The following TLE4 variants were observed in gnomAD, a reference collection of about 807,000 sequenced individuals.
TLE4 encodes the protein transducin-like enhancer protein 4.
In TLE4, 8 loss-of-function variants were observed where a neutral mutation model predicts 92.8. That is an observed-to-expected ratio of 0.09 (90% CI 0.05 to 0.16). The LOEUF is 0.16. Among genes scored for constraint, TLE4 ranks in the 10% least tolerant of loss-of-function variants. The pLI is 1.00. For missense variants in TLE4, 675 were observed against 997.6 expected (o/e 0.68, Z 4.36); for synonymous variants, 371 against 374.1 (o/e 0.99, Z 0.10).
intron 4 of TLE4, among the ~76,000 whole-genome samples, chr9:79,606,821 G>A (rs2047116281): frequency 6.6e-6 from 1 of 152,082 alleles, no homozygotes; most frequent in South Asian, 2.1e-4. Flanking sequence ...ACTGTGAATA[G>A]TGCTGCAGTA....
At chr9:79,656,747 A>G (rs2059836083) in intron 8 of TLE4, among the ~76,000 whole-genome samples, 1 of 152,212 alleles carries the variant, frequency 6.6e-6, no homozygotes. Context: ...TGTTTTCTTG[A>G]CGTTACAGAT....
At chr9:79,573,536 C>A (rs1311474092) in intron 1 of TLE4, 153 bp from the exon 2 acceptor site, 1 of 818,364 alleles carries the variant, frequency 1.2e-6, no homozygotes, top group Admixed American at 3.5e-5. Context: ...GGCTGTTGGG[C>A]GCGAGGAGGG....
intron 4 of TLE4, among the ~76,000 whole-genome samples, chr9:79,596,936 G>C (rs2044182789): frequency 6.6e-6 from 1 of 152,034 alleles, no homozygotes; most frequent in Non-Finnish European, 1.5e-5. Context: ...CGTAATATTT[G>C]GTGTTCTTTT....
intron 4 of TLE4, among the ~76,000 whole-genome samples, chr9:79,601,053 T>A (rs965201753): frequency 6.6e-5 from 10 of 152,234 alleles, no homozygotes; most frequent in Non-Finnish European, 1.5e-5. Flanking sequence ...ATCAGCAATC[T>A]GGTATAAATA....
At chr9:79,637,744 A>T (rs2056256403) in intron 6 of TLE4, among the ~76,000 whole-genome samples, 1 of 152,172 alleles carries the variant, frequency 6.6e-6, no homozygotes, top group Non-Finnish European at 1.5e-5. Context: ...CTGTTAAGGC[A>T]GGTGTTTTAA....
At chr9:79,628,935 T>C (rs947580906) in intron 6 of TLE4, among the ~76,000 whole-genome samples, 2 of 151,780 alleles carry the variant, frequency 1.3e-5, no homozygotes, top group African/African-American at 4.8e-5. Flanking sequence ...CTGTGCTCCA[T>C]TGACGTGTGT....
chr9:79,713,440 G>A (rs984983591), intron 14 of TLE4, among the ~76,000 whole-genome samples: 20 of 152,168 alleles, frequency 1.3e-4, no homozygotes, highest in Admixed American at 5.2e-4. Context: ...CACTCTGCTC[G>A]TAGCAGCTTA....
At chr9:79,652,455 G>C in intron 6 of TLE4, 138 bp from the exon 7 acceptor site, 1 of 860,818 alleles carries the variant, frequency 1.2e-6, no homozygotes, top group South Asian at 1.5e-5. Flanking sequence ...CCAAAGTGCT[G>C]GGATTACAGG....
intron 4 of TLE4, among the ~76,000 whole-genome samples, chr9:79,588,529 G>A (rs2041788862): frequency 6.6e-6 from 1 of 152,092 alleles, no homozygotes; most frequent in African/African-American, 2.4e-5. Context: ...AAAAATAATA[G>A]CTGGTATCAT....
chr9:79,681,570 G>A (rs944633303), intron 8 of TLE4, among the ~76,000 whole-genome samples: 3 of 152,124 alleles, frequency 2.0e-5, no homozygotes, highest in Non-Finnish European at 4.4e-5. Flanking sequence ...AGGAATTGAA[G>A]ATCGAATGTC....
chr9:79,612,775 GA>G, intron 5 of TLE4, 57 bp downstream of exon 5: 1 of 1,449,988 alleles, frequency 6.9e-7, no homozygotes, highest in Non-Finnish European at 9.7e-7. Context: ...TGGTTTTGCA[GA>G]AAAGGGATTG....
At position 79,605,196 on chromosome 9, in the gene TLE4, G is replaced by T. The variant is rs375122854; in HGVS notation, c.253-7460G>T. On this transcript the variant is annotated intron_variant, in intron 4 of 19. Coordinates refer to ENST00000376552, the MANE Select transcript of TLE4 (RefSeq NM_007005.6). ...CCACCTTGTTCTGTGCAGGCTGAAAGTAAGCTCTCTAGAGAAAGTAATTTT... is the reference window on the plus strand; with the variant it reads ...CCACCTTGTTCTGTGCAGGCTGAAATTAAGCTCTCTAGAGAAAGTAATTTT... Among the ~76,000 whole-genome samples, 55 of 152,226 alleles carry T rather than the reference G, an allele frequency of 3.6e-4. 2 individuals carry two copies. In the South Asian group the frequency reaches 9.9e-3, roughly 28 times the overall value.
intron 16 of TLE4, among the ~76,000 whole-genome samples, chr9:79,721,181 G>C (rs886476350): frequency 6.6e-6 from 1 of 152,204 alleles, no homozygotes; most frequent in African/African-American, 2.4e-5. Context: ...TTCTCCTGGT[G>C]ACCTTGGTAC....
At chr9:79,659,042 C>T (rs1246141423) in intron 8 of TLE4, among the ~76,000 whole-genome samples, 3 of 152,176 alleles carry the variant, frequency 2.0e-5, no homozygotes, top group Admixed American at 2.0e-4. Context: ...CTCTGAGCAG[C>T]CCCCACTGCA....
chr9:79,638,337 C>G (rs890822915), intron 6 of TLE4, among the ~76,000 whole-genome samples: 2 of 152,154 alleles, frequency 1.3e-5, no homozygotes, highest in African/African-American at 4.8e-5. Context: ...ATTTCTCTAT[C>G]TTGAGAAAAC....
intron 8 of TLE4, among the ~76,000 whole-genome samples, chr9:79,680,610 CCCTTTATTT>C (rs1313354840): frequency 6.6e-6 from 1 of 152,152 alleles, no homozygotes; most frequent in Admixed American, 6.5e-5. Context: ...TAATTGAAAA[CCCTTTATTT>C]CCTTCTCCTG....
In TLE4 at chr9:79,726,779, A is replaced by G. The variant is rs552820646; in HGVS notation, c.*1635A>G. 6.5e-6 allele frequency: 1 copy of G among 152,748 alleles called. No individual in the cohort carries two copies. Among genetic ancestry groups the G allele is most frequent in the East Asian group, 1.9e-4 (1 of 5,190 alleles). The allele number at this position is 152,748 out of a possible 1,614,324, so 9.5% of individuals were successfully genotyped here. A position where few individuals can be genotyped will look rare whatever the true frequency, so the allele number is the denominator to read the frequency against. On this transcript the variant is annotated 3_prime_UTR_variant, in exon 20 of 20. Coordinates refer to ENST00000376552, the MANE Select transcript of TLE4 (RefSeq NM_007005.6). ...TCTAATTCTTTGTCTTGATGACATT[A>G]GTTTATTTTTTATCTTTGGCTGTGC...
At chr9:79,686,816 G>A (rs949976722) in intron 8 of TLE4, among the ~76,000 whole-genome samples, 2 of 152,172 alleles carry the variant, frequency 1.3e-5, no homozygotes, top group African/African-American at 4.8e-5. Context: ...GGTTTGTTGT[G>A]GCAGCCCCAG....
intron 5 of TLE4, among the ~76,000 whole-genome samples, chr9:79,615,094 T>C (rs567060238): frequency 1.3e-5 from 2 of 152,210 alleles, no homozygotes; most frequent in Non-Finnish European, 2.9e-5. Flanking sequence ...TGATGTTTTT[T>C]ATCTGAACAT....
Sources: gnomAD v4.1 joint callset for allele counts (sites outside exome capture counted in the v4.1 genomes callset) on GRCh38, gnomAD v4.1.1 for gene constraint, MANE v1.5 for transcripts, NCBI Gene and HGNC (gene_info 2026-07-23, HGNC 2026-07-21) for gene names.